Variants in MEMO1 observed in about 807,000 individuals in gnomAD.
The protein encoded by MEMO1 is mediator of cell motility 1.
In MEMO1, 6 loss-of-function variants were observed where a neutral mutation model predicts 45.2. The observed-to-expected ratio is 0.13, with a 90% CI of 0.07 to 0.26. MEMO1 has a LOEUF of 0.26. MEMO1 is among the 10% of genes least tolerant of loss of function. The pLI is 1.00. For missense variants in MEMO1, 184 were observed against 370.5 expected, an observed-to-expected ratio of 0.50 and a Z score of 4.13; for synonymous variants, 78 against 124.3, an observed-to-expected ratio of 0.63 and a Z score of 2.48.
At chr2:31,942,251 T>G (rs1164295586) in intron 3 of MEMO1, among the ~76,000 whole-genome samples, 7 of 152,156 alleles carry the variant, frequency 4.6e-5, no homozygotes, top group Admixed American at 4.6e-4. Context: ...AGACACAATC[T>G]ACTCCTCCTC....
At chr2:32,009,859 C>A (rs1212887679) in intron 2 of MEMO1, among the ~76,000 whole-genome samples, 1 of 152,026 alleles carries the variant, frequency 6.6e-6, no homozygotes, top group Non-Finnish European at 1.5e-5. Context: ...GACAAGTCGG[C>A]TGGGGTCCGG....
chr2:31,868,657 A>C (rs930813981), intron 9 of MEMO1, among the ~76,000 whole-genome samples, 165 bp from the exon 10 acceptor site: 13 of 152,200 alleles, frequency 8.5e-5, no homozygotes, highest in Non-Finnish European at 1.8e-4. Flanking sequence ...AATAGAAAAA[A>C]AAGAATTCCT....
At chr2:31,996,291 T>C (rs1431591153) in intron 2 of MEMO1, among the ~76,000 whole-genome samples, 1 of 152,042 alleles carries the variant, frequency 6.6e-6, no homozygotes, top group Non-Finnish European at 1.5e-5. Flanking sequence ...CTCACACCTG[T>C]AATCCCAGCA....
At chr2:31,868,826 T>C (rs768100298) in intron 9 of MEMO1, among the ~76,000 whole-genome samples, 5 of 152,220 alleles carry the variant, frequency 3.3e-5, no homozygotes, top group Non-Finnish European at 7.4e-5. Flanking sequence ...TGGCCACTTC[T>C]GTCTTAAGAC....
chr2:31,933,426 G>C (rs1391387370), intron 3 of MEMO1, among the ~76,000 whole-genome samples: 1 of 127,982 alleles, frequency 7.8e-6, no homozygotes, highest in Non-Finnish European at 1.6e-5. Flanking sequence ...GTACAGAAAG[G>C]AAGAATTATA....
chr2:31,969,586 G>GGTGTGTGTGTGT (rs367639470), intron 2 of MEMO1, among the ~76,000 whole-genome samples: 40 of 119,248 alleles, frequency 3.4e-4, no homozygotes, highest in East Asian at 9.8e-4. Context: ...TGTGTGTGTG[G>GGTGTGTGTGTGT]GTGTGTGTGT....
chr2:31,943,430 A>G (rs1167319317), intron 2 of MEMO1, 47 bp from the exon 3 acceptor site: 1 of 1,347,598 alleles, frequency 7.4e-7, no homozygotes. Flanking sequence ...GCAATGTACT[A>G]CAGATAAACA....
chr2:31,903,690 G>A (rs1241990082), intron 6 of MEMO1, among the ~76,000 whole-genome samples: 1 of 152,132 alleles, frequency 6.6e-6, no homozygotes, highest in Non-Finnish European at 1.5e-5. Flanking sequence ...AGAGGAAACT[G>A]AGAAACATAA....
intron 2 of MEMO1, among the ~76,000 whole-genome samples, chr2:31,994,643 T>C (rs1006260008): frequency 1.3e-5 from 2 of 150,630 alleles, no homozygotes; most frequent in Admixed American, 6.6e-5. Flanking sequence ...AAAAAAATAA[T>C]AATAATAATA....
intron 2 of MEMO1, among the ~76,000 whole-genome samples, chr2:31,984,045 G>A (rs1670976151): frequency 6.6e-6 from 1 of 152,210 alleles, no homozygotes; most frequent in Non-Finnish European, 1.5e-5. Context: ...TGGGGGAGGG[G>A]CAGAGACAAA....
At position 31,901,637 on chromosome 2, in the gene MEMO1, T is replaced by C. The variant is rs534686630; in HGVS notation, c.438-9503A>G. 2.0e-4 allele frequency among the ~76,000 whole-genome samples: 31 copies of C among 152,232 alleles called. No homozygotes were observed. The South Asian group carries it at 5.8e-3, about 29-fold the overall frequency. On this transcript the variant is annotated intron_variant, in intron 6 of 9. Coordinates refer to ENST00000404530, the MANE Select transcript of MEMO1 (RefSeq NM_001301833.4). Reference sequence around the variant, plus strand: ...GAAAACATGTTCTGGCCAGGCATGGTGGCTCACGCCTGTAATCTCAACACT... The same window carrying C: ...GAAAACATGTTCTGGCCAGGCATGGCGGCTCACGCCTGTAATCTCAACACT...
chr2:31,877,309 G>C (rs1184002428), intron 8 of MEMO1, among the ~76,000 whole-genome samples: 1 of 152,200 alleles, frequency 6.6e-6, no homozygotes. Context: ...ATGAACAGCT[G>C]TTCATCCAAG....
chr2:32,009,714 AAGGGTCCCTGGCTCGGCAAGAGGGCGG>A (rs1239434434), intron 2 of MEMO1, among the ~76,000 whole-genome samples: 3 of 151,976 alleles, frequency 2.0e-5, no homozygotes, highest in African/African-American at 7.2e-5. Flanking sequence ...GAGGAAAGGA[AAGGGTCCCTGGCTCGGCAAGAGGGCGG>A]AGGGTCGCTG....
chr2:31,881,747 C>T (rs1047156435), intron 8 of MEMO1, among the ~76,000 whole-genome samples: 1 of 152,090 alleles, frequency 6.6e-6, no homozygotes, highest in Non-Finnish European at 1.5e-5. Context: ...GCAGCTCACA[C>T]CTGTAATCCC....
chr2:31,874,061 A>T (rs17817912), intron 8 of MEMO1, among the ~76,000 whole-genome samples: 2,230 of 152,242 alleles, frequency 0.015, 35 homozygotes, highest in Non-Finnish European at 0.022. Flanking sequence ...TAAGTGAAGT[A>T]ACTGATAAAT....
intron 6 of MEMO1, among the ~76,000 whole-genome samples, chr2:31,905,611 C>G (rs1409501004): frequency 6.6e-6 from 1 of 152,176 alleles, no homozygotes; most frequent in African/African-American, 2.4e-5. Context: ...GAAATTCCTG[C>G]ATGTTTTTAA....
At chr2:31,894,291 C>A (rs1379191553) in intron 6 of MEMO1, among the ~76,000 whole-genome samples, 6 of 152,186 alleles carry the variant, frequency 3.9e-5, no homozygotes. Flanking sequence ...TACCCTAGCT[C>A]CACTGAGGTA....
At chr2:31,875,398 G>A (rs1674411652) in intron 8 of MEMO1, among the ~76,000 whole-genome samples, 1 of 152,070 alleles carries the variant, frequency 6.6e-6, no homozygotes, top group Non-Finnish European at 1.5e-5. Context: ...CCACAAGTGA[G>A]TTCTGTTGTA....
intron 2 of MEMO1, among the ~76,000 whole-genome samples, chr2:31,951,428 T>A (rs970834073): frequency 2.6e-5 from 4 of 151,956 alleles, no homozygotes; most frequent in Non-Finnish European, 4.4e-5. Flanking sequence ...GAAAAATTCA[T>A]CAAAAATCAG....
Sources: gnomAD v4.1 joint callset for allele counts (sites outside exome capture counted in the v4.1 genomes callset) on GRCh38, gnomAD v4.1.1 for gene constraint, MANE v1.5 for transcripts, NCBI Gene and HGNC (gene_info 2026-07-23, HGNC 2026-07-21) for gene names.